CNKSR2: variants seen among roughly 807,000 people sequenced by gnomAD.
The protein encoded by CNKSR2 is CNK homolog protein 2.
In CNKSR2, 14 loss-of-function variants were observed where a neutral mutation model predicts 84.4. The observed-to-expected ratio is 0.17, with a 90% CI of 0.11 to 0.26. CNKSR2 has a LOEUF of 0.26. Among genes scored for constraint, CNKSR2 ranks in the 10% least tolerant of loss-of-function variants. CNKSR2 has a pLI of 1.00. For synonymous variants in CNKSR2, 275 were observed against 277.9 expected, an observed-to-expected ratio of 0.99 and a Z score of 0.10; for missense variants, 485 against 771.2, an observed-to-expected ratio of 0.63 and a Z score of 4.40.
intron 15 of CNKSR2, chrX:21,592,295 G>T (rs979513117): frequency 2.7e-5 from 3 of 111,735 alleles, no homozygotes; most frequent in Non-Finnish European, 5.6e-5. Flanking sequence ...ATAAACATGT[G>T]GTAGGCTGGG....
At chrX:21,519,228 C>T (rs369019803) in intron 9 of CNKSR2, among the ~76,000 whole-genome samples, 2 of 111,040 alleles carry the variant, frequency 1.8e-5, no homozygotes, top group East Asian at 5.7e-4. Context: ...AATGCAAAGA[C>T]ACCTGAAAGC....
chrX:21,387,246 T>C (rs1796364739), intron 1 of CNKSR2, among the ~76,000 whole-genome samples: 1 of 110,706 alleles, frequency 9.0e-6, no homozygotes, highest in African/African-American at 3.3e-5. Flanking sequence ...CTTTGAGAGG[T>C]TGAGGTGGGC....
chrX:21,561,355 C>T, intron 11 of CNKSR2, 116 bp from the exon 12 acceptor site: 1 of 576,013 alleles, frequency 1.7e-6, no homozygotes, highest in Non-Finnish European at 2.9e-6. Flanking sequence ...AAATGCCAAC[C>T]ATAATGTTGC....
chrX:21,482,285 G>C (rs1208234380), intron 5 of CNKSR2, among the ~76,000 whole-genome samples: 1 of 111,587 alleles, frequency 9.0e-6, no homozygotes, highest in South Asian at 3.7e-4. Flanking sequence ...ATACTTTTTT[G>C]ATTAGAGGCA....
intron 11 of CNKSR2, among the ~76,000 whole-genome samples, chrX:21,533,173 C>A (rs2091899873): frequency 9.0e-6 from 1 of 110,534 alleles, no homozygotes; most frequent in Non-Finnish European, 1.9e-5. Context: ...TTAACATAAA[C>A]TCCTCAACTA....
intron 1 of CNKSR2, among the ~76,000 whole-genome samples, chrX:21,413,863 A>C (rs2090379036): frequency 9.0e-6 from 1 of 111,267 alleles, no homozygotes; most frequent in African/African-American, 3.3e-5. Flanking sequence ...GATGGACACA[A>C]GTTGCTTCAA....
At position 21,411,253 on chromosome X, in the gene CNKSR2, A is replaced by G. The variant is rs144316411; in HGVS notation, c.65-15244A>G. 5.1e-3 allele frequency among the ~76,000 whole-genome samples: 574 copies of G among 111,509 alleles called. 4 individuals carry two copies. Among genetic ancestry groups the G allele is most frequent in the African/African-American group, 0.018 (557 of 30,717 alleles). ...CAATGGATATAGTTCTAAATAATGT[A>G]TGAAATAAGTTCTACTTGTAGATCT... On this transcript the variant is annotated intron_variant, in intron 1 of 21. Coordinates refer to ENST00000379510, the MANE Select transcript of CNKSR2 (RefSeq NM_014927.5).
intron 20 of CNKSR2, among the ~76,000 whole-genome samples, chrX:21,640,599 G>T (rs771074377): frequency 9.0e-6 from 1 of 111,509 alleles, no homozygotes; most frequent in Non-Finnish European, 1.9e-5. Flanking sequence ...TCTAAGGGAG[G>T]ACATAATGAA....
At chrX:21,417,828 G>A (rs184119897) in intron 1 of CNKSR2, among the ~76,000 whole-genome samples, 1 of 111,022 alleles carries the variant, frequency 9.0e-6, no homozygotes, top group East Asian at 2.8e-4. Flanking sequence ...AAATCACTGT[G>A]TTTTGTTTTG....
chrX:21,594,923 A>G (rs752328240), intron 15 of CNKSR2, 51 bp from the exon 16 acceptor site: 1 of 918,353 alleles, frequency 1.1e-6, no homozygotes, highest in Non-Finnish European at 1.6e-6. Flanking sequence ...GAGTATCATT[A>G]CCTTCACACC....
At chrX:21,561,424 A>T in intron 11 of CNKSR2, 47 bp from the exon 12 acceptor site, 1 of 990,691 alleles carries the variant, frequency 1.0e-6, no homozygotes, top group Non-Finnish European at 1.4e-6. Context: ...TTGAGCAGAC[A>T]TGGGGAAGAA....
Position 21,544,557 on chromosome X carries a change from T to A in CNKSR2, c.1303+12490T>A, listed in dbSNP as rs188631148. ...AGAATTCAAGGTACTAGGTAATGGA[T>A]AAAACAGTAAGATTAAGAAAAAGAA... is the stretch of plus-strand genomic sequence containing the variant. On this transcript the variant is annotated intron_variant, in intron 11 of 21. Coordinates refer to ENST00000379510, the MANE Select transcript of CNKSR2 (RefSeq NM_014927.5). Among the ~76,000 whole-genome samples, 378 of 112,198 alleles carry A rather than the reference T, an allele frequency of 3.4e-3. 2 individuals carry two copies. Among genetic ancestry groups the A allele is most frequent in the Non-Finnish European group, 5.3e-3 (280 of 53,177 alleles).
At chrX:21,624,528 G>C (rs747152487) in intron 20 of CNKSR2, among the ~76,000 whole-genome samples, 1 of 108,093 alleles carries the variant, frequency 9.3e-6, no homozygotes, top group Non-Finnish European at 1.9e-5. Flanking sequence ...GTTTTTTTTT[G>C]AGACGGAGTC....
chrX:21,375,253 C>G (rs1315567781), intron 1 of CNKSR2, among the ~76,000 whole-genome samples: 2 of 112,862 alleles, frequency 1.8e-5, no homozygotes, highest in Non-Finnish European at 3.8e-5. Context: ...GCGTACTCCC[C>G]TCTCCCCTTA....
At chrX:21,431,426 A>T (rs1036364733) in intron 2 of CNKSR2, among the ~76,000 whole-genome samples, 1 of 111,420 alleles carries the variant, frequency 9.0e-6, no homozygotes, top group South Asian at 3.8e-4. Flanking sequence ...TAGTCCAAGT[A>T]CAGAGTTTTT....
In CNKSR2 at chrX:21,653,532, C is replaced by T. The variant is rs867156532; in HGVS notation, c.*1011C>T. On this transcript the variant is annotated 3_prime_UTR_variant, in exon 22 of 22. Transcript: ENST00000379510. ...TAGGGAAGTACAATATGTTTAGTTT[C>T]AGGCTGATGTGTGTTATAAAAAACA... The T allele has an allele frequency of 9.1e-6, 1 of 109,910 alleles. No individual in the cohort carries two copies. Among genetic ancestry groups the T allele is most frequent in the Non-Finnish European group, 1.9e-5 (1 of 52,792 alleles). 9.1% of individuals were successfully genotyped at this position (109,910 alleles called of 1,213,427 possible). A position where few individuals can be genotyped will look rare whatever the true frequency, so the allele number is the denominator to read the frequency against.
chrX:21,456,453 A>T (rs982556103), intron 4 of CNKSR2, among the ~76,000 whole-genome samples: 2 of 111,792 alleles, frequency 1.8e-5, no homozygotes, highest in African/African-American at 3.2e-5. Flanking sequence ...TATAAATGAG[A>T]TCACACAGTA....
intron 11 of CNKSR2, among the ~76,000 whole-genome samples, chrX:21,547,066 T>C (rs1394023593): frequency 1.8e-5 from 2 of 111,454 alleles, no homozygotes; most frequent in Non-Finnish European, 3.8e-5. Context: ...AGAATCAAAT[T>C]CTCACATAAC....
intron 20 of CNKSR2, among the ~76,000 whole-genome samples, chrX:21,631,428 G>A (rs1305757589): frequency 7.1e-5 from 8 of 111,955 alleles, no homozygotes; most frequent in African/African-American, 9.7e-5. Flanking sequence ...TTTTTCCTTC[G>A]AAGTTCTACT....
Sources: gnomAD v4.1 joint callset for allele counts (sites outside exome capture counted in the v4.1 genomes callset) on GRCh38, gnomAD v4.1.1 for gene constraint, MANE v1.5 for transcripts, NCBI Gene and HGNC (gene_info 2026-07-23, HGNC 2026-07-21) for gene names.